Variants in PHIP observed in about 807,000 individuals in gnomAD.
PHIP encodes the protein PHIP subunit of CUL4-Ring ligase complex.
PHIP carries 54 observed loss-of-function variants against 236.8 expected under a neutral mutation model. The ratio of observed to expected loss-of-function variants is 0.23; its 90% CI spans 0.18 to 0.29. The LOEUF (loss-of-function observed/expected upper bound fraction) is 0.29. PHIP is among the 10% of genes least tolerant of loss of function. The pLI, the probability that PHIP is intolerant of heterozygous loss-of-function variation, is 1.00. For synonymous variants in PHIP, 756 were observed against 718.9 expected (o/e 1.05, Z -0.83); for missense variants, 1,370 against 2,190.8 (o/e 0.63, Z 7.48).
chr6:78,956,421 T>G (rs940586721), intron 32 of PHIP: 11 of 152,272 alleles, frequency 7.2e-5, no homozygotes, highest in African/African-American at 2.6e-4. Flanking sequence ...CAATCTGCTA[T>G]TTATGCTTTT....
chr6:78,990,731 A>C, intron 20 of PHIP, 137 bp downstream of exon 20: 2 of 492,154 alleles, frequency 4.1e-6, no homozygotes, highest in Non-Finnish European at 7.2e-6. Flanking sequence ...TAGATAATCC[A>C]GAGATAACCA....
intron 24 of PHIP, among the ~76,000 whole-genome samples, chr6:78,975,615 C>T (rs1767996054): frequency 6.6e-6 from 1 of 152,134 alleles, no homozygotes; most frequent in Non-Finnish European, 1.5e-5. Context: ...GATTGTGTAT[C>T]TAGAAAACCC....
chr6:78,961,484 A>G (rs1766774423), intron 31 of PHIP, among the ~76,000 whole-genome samples: 1 of 152,120 alleles, frequency 6.6e-6, no homozygotes, highest in African/African-American at 2.4e-5. Context: ...GACCAGCAGC[A>G]TCGACATTAC....
At chr6:79,074,808 A>G (rs1774068529) in intron 4 of PHIP, among the ~76,000 whole-genome samples, 1 of 152,106 alleles carries the variant, frequency 6.6e-6, no homozygotes, top group Admixed American at 6.5e-5. Flanking sequence ...TTAAAATTCA[A>G]CCATTGCGAT....
chr6:78,962,661 C>A (rs950877433), intron 30 of PHIP, among the ~76,000 whole-genome samples: 2 of 152,054 alleles, frequency 1.3e-5, no homozygotes, highest in Non-Finnish European at 2.9e-5. Flanking sequence ...CAAGGCAGAG[C>A]AATTAATATA....
At chr6:78,947,938 ATTTAT>A (rs1461895814) in intron 35 of PHIP, among the ~76,000 whole-genome samples, 163 bp from the exon 36 acceptor site, 3 of 139,302 alleles carry the variant, frequency 2.2e-5, no homozygotes, top group South Asian at 2.6e-4. Flanking sequence ...AATAATTCTT[ATTTAT>A]TTCATACTCC....
chr6:78,995,866 G>C (rs9359361), intron 19 of PHIP, among the ~76,000 whole-genome samples: 45,877 of 152,068 alleles, frequency 0.3, 7,044 homozygotes, highest in Admixed American at 0.32. Context: ...CCACTGGAGA[G>C]ATTCTTAGGA....
chr6:78,998,465 A>T, intron 17 of PHIP, 74 bp from the exon 18 acceptor site: 1 of 1,203,036 alleles, frequency 8.3e-7, no homozygotes, highest in South Asian at 1.4e-5. Flanking sequence ...AACCTCACTT[A>T]TGAGTTCAGA....
intron 4 of PHIP, among the ~76,000 whole-genome samples, chr6:79,076,781 A>G (rs1041757938): frequency 3.9e-5 from 6 of 152,228 alleles, no homozygotes; most frequent in African/African-American, 1.4e-4. Flanking sequence ...TTCTGGTTTT[A>G]GGGAATTACA....
chr6:79,060,538 C>G lies in PHIP; in HGVS notation c.379G>C (p.Ala127Pro). 6.2e-7 allele frequency: 1 copy of G among 1,613,906 alleles called. No individual in the cohort carries two copies. Among genetic ancestry groups the G allele is most frequent in the Non-Finnish European group, 8.5e-7 (1 of 1,179,860 alleles). The change falls in exon 6 of 40, where the codon GCG becomes CCG. Residue 127 changes from alanine to proline, a missense_variant. Physicochemically the swap from Ala to Pro is conservative, Grantham distance 27 (BLOSUM62 -1). Transcript: ENST00000275034. ...TCAGGTGGTCTTCCACAGTGCAACG[C>G]AGCCAGAGCAGATCCTTTCCACACA... ...HVVWKGSALAALHCGRPPESP... is the reference protein window; with the variant it reads ...HVVWKGSALAPLHCGRPPESP...
chr6:79,055,637 G>A (rs1451330291), intron 6 of PHIP, among the ~76,000 whole-genome samples: 1 of 152,154 alleles, frequency 6.6e-6, no homozygotes, highest in Non-Finnish European at 1.5e-5. Flanking sequence ...AGCACTGGAA[G>A]GCAGGTGAAC....
Position 79,041,776 on chromosome 6 carries a change from T to C in PHIP, c.600+1067A>G, listed in dbSNP as rs569759798. Among the ~76,000 whole-genome samples, 4 of 152,066 alleles carry C rather than the reference T, an allele frequency of 2.6e-5. No homozygotes were observed. The East Asian group carries it at 5.8e-4, about 22-fold the overall frequency. On this transcript the variant is annotated intron_variant, in intron 7 of 39. Coordinates refer to ENST00000275034, the MANE Select transcript of PHIP (RefSeq NM_017934.7). ...TACAAGAGAACGTAAAAAGGGAAAA[T>C]ACTGATATAAGAAGTGATGTGCAAA...
rs1180845836 is a variant in PHIP, at chr6:78,936,502, T to C, written c.*4191A>G. 6.6e-6 allele frequency: 1 copy of C among 151,928 alleles called. No individual in the cohort carries two copies. The highest frequency in any genetic ancestry group is 1.5e-5 in the Non-Finnish European group (1 of 67,798). 9.4% of individuals were successfully genotyped at this position (151,928 alleles called of 1,614,324 possible). Reference sequence around the variant, plus strand: ...TGTGTGCATCTGCCTTATATGCATGTACTATATTCCATCTTGAACCTATTT... The same window carrying C: ...TGTGTGCATCTGCCTTATATGCATGCACTATATTCCATCTTGAACCTATTT... On this transcript the variant is annotated 3_prime_UTR_variant, in exon 40 of 40. Transcript: ENST00000275034.
intron 7 of PHIP, among the ~76,000 whole-genome samples, chr6:79,037,483 C>A (rs1484685559): frequency 6.6e-6 from 1 of 152,136 alleles, no homozygotes; most frequent in African/African-American, 2.4e-5. Context: ...GCAATGTTTG[C>A]TCTTTAATTG....
At chr6:79,064,224 TA>T (rs1773514903) in intron 4 of PHIP, among the ~76,000 whole-genome samples, 1 of 152,168 alleles carries the variant, frequency 6.6e-6, no homozygotes, top group Admixed American at 6.5e-5. Context: ...CTCCACATTC[TA>T]GTATGTACAC....
At chr6:78,953,951 T>C (rs1210110840) in intron 35 of PHIP, among the ~76,000 whole-genome samples, 4 of 152,182 alleles carry the variant, frequency 2.6e-5, no homozygotes, top group South Asian at 2.1e-4. Flanking sequence ...TAAATTTAGA[T>C]TGCTATGATT....
intron 9 of PHIP, among the ~76,000 whole-genome samples, chr6:79,023,239 T>C (rs529057463): frequency 1.3e-5 from 2 of 152,234 alleles, no homozygotes; most frequent in South Asian, 4.1e-4. Context: ...CCACCATGTC[T>C]GGCGTTTGTT....
intron 36 of PHIP, 68 bp downstream of exon 36, chr6:78,947,555 A>G: frequency 1.4e-6 from 1 of 732,476 alleles, no homozygotes; most frequent in South Asian, 2.3e-5. Context: ...AAGTAAAGCA[A>G]CATTTAGTCA....
rs746238519 is a variant in PHIP, at chr6:79,025,474, A to C, written c.923+45T>G. The C allele has an allele frequency of 1.5e-5, 18 of 1,187,482 alleles. No homozygotes were observed. The East Asian group carries it at 4.2e-4, about 28-fold the overall frequency. 73.6% of individuals were successfully genotyped at this position (1,187,482 alleles called of 1,614,324 possible). A position where few individuals can be genotyped will look rare whatever the true frequency, so the allele number is the denominator to read the frequency against. On this transcript the variant is annotated intron_variant, in intron 9 of 39. Transcript: ENST00000275034. ...ACTTTATACTTTTGCAATTTCACTC[A>C]TTAAACTAAACACATTTAATCTATG...
Sources: allele counts gnomAD v4.1 joint callset (sites outside exome capture counted in the v4.1 genomes callset), GRCh38; gene constraint gnomAD v4.1.1; transcripts MANE v1.5; gene names NCBI Gene and HGNC (gene_info 2026-07-23, HGNC 2026-07-21).